Variants in AUTS2 observed in about 807,000 individuals in gnomAD.
AUTS2 encodes autism susceptibility gene 2 protein.
A neutral mutation model predicts 112.4 loss-of-function variants in AUTS2; 17 were observed. The ratio of observed to expected loss-of-function variants is 0.15; its 90% CI spans 0.10 to 0.23. AUTS2 has a LOEUF of 0.23. AUTS2 is among the 10% of genes least tolerant of loss of function. The pLI is 1.00. For synonymous variants in AUTS2, 751 were observed against 702.7 expected, an observed-to-expected ratio of 1.07 and a Z score of -1.09; for missense variants, 1,510 against 1,701.6, an observed-to-expected ratio of 0.89 and a Z score of 1.98.
intron 5 of AUTS2, among the ~76,000 whole-genome samples, chr7:70,486,815 G>A (rs541647716): frequency 1.8e-4 from 27 of 151,886 alleles, no homozygotes; most frequent in African/African-American, 6.3e-4. Context: ...TTGGCTGGTA[G>A]TCTGTGGTGG....
At chr7:70,190,512 G>A (rs943476488) in intron 4 of AUTS2, among the ~76,000 whole-genome samples, 3 of 152,174 alleles carry the variant, frequency 2.0e-5, no homozygotes, top group African/African-American at 7.2e-5. Context: ...AATTCTGACA[G>A]TGGGGGATGC....
rs576586360 is a variant in AUTS2, at chr7:70,092,083, T to TTTTTAATACTTAGGAGTA, written c.523-26038_523-26021dup. On this transcript the variant is annotated intron_variant, in intron 2 of 18. Coordinates refer to ENST00000342771, the MANE Select transcript of AUTS2 (RefSeq NM_015570.4). The stretch of plus-strand genomic sequence containing the variant: ...ACAGGTCTGTGACTCCTAAGTATTA[T>TTTTTAATACTTAGGAGTA]TTTTAATACTTAGGAGTATTTTAAT... 5.3e-3 allele frequency among the ~76,000 whole-genome samples: 341 copies of TTTTTAATACTTAGGAGTA among 64,830 alleles called. 6 individuals are homozygous for TTTTTAATACTTAGGAGTA. The East Asian group carries it at 0.094, about 18-fold the overall frequency. The allele number at this position is 64,830 out of a possible 152,430, so 42.5% of individuals were successfully genotyped here.
intron 5 of AUTS2, among the ~76,000 whole-genome samples, chr7:70,655,146 T>A (rs1027967359): frequency 1.3e-5 from 2 of 151,778 alleles, no homozygotes; most frequent in African/African-American, 4.8e-5. Context: ...CACTGTAGAG[T>A]TACTTTGGCA....
chr7:70,227,581 A>G (rs909005114), intron 4 of AUTS2, among the ~76,000 whole-genome samples: 6 of 152,084 alleles, frequency 3.9e-5, no homozygotes, highest in African/African-American at 1.2e-4. Context: ...TTCCTTTCCA[A>G]CATAGGTGTT....
chr7:70,191,161 C>CTT (rs34637651), intron 4 of AUTS2, among the ~76,000 whole-genome samples: 3,398 of 86,348 alleles, frequency 0.039, 104 homozygotes, highest in Non-Finnish European at 0.05. Context: ...CCACTTATTT[C>CTT]TTTTTTTTTT....
At chr7:69,884,749 C>G (rs1794200660) in intron 1 of AUTS2, among the ~76,000 whole-genome samples, 1 of 152,168 alleles carries the variant, frequency 6.6e-6, no homozygotes, top group African/African-American at 2.4e-5. Context: ...GCATCTGATT[C>G]CCTTGTGCAA....
chr7:69,854,990 A>G (rs1273333512), intron 1 of AUTS2, among the ~76,000 whole-genome samples: 3 of 152,206 alleles, frequency 2.0e-5, no homozygotes, highest in African/African-American at 7.2e-5. Flanking sequence ...ACCATGGTCT[A>G]CTGTTTACTT....
At chr7:70,649,474 T>G (rs983216885) in intron 5 of AUTS2, among the ~76,000 whole-genome samples, 1 of 152,090 alleles carries the variant, frequency 6.6e-6, no homozygotes, top group Non-Finnish European at 1.5e-5. Flanking sequence ...CAGGATTTAA[T>G]CTCAGAGTGT....
At position 70,404,997 on chromosome 7, in the gene AUTS2, G is replaced by A. The variant is rs138360510; in HGVS notation, c.661-30755G>A. Among the ~76,000 whole-genome samples the A allele has an allele frequency of 5.4e-3, 817 of 152,300 alleles. 4 individuals are homozygous for A. Among genetic ancestry groups the A allele is most frequent in the South Asian group, 8.7e-3 (42 of 4,818 alleles). On this transcript the variant is annotated intron_variant, in intron 4 of 18. Transcript: ENST00000342771. The stretch of plus-strand genomic sequence containing the variant: ...GTGGAAACCATTGCCCTTTATGCCA[G>A]CTGCTTCCTGAAGGAGCCAAGAAAA...
chr7:69,920,523 G>C (rs1001190661), intron 2 of AUTS2, among the ~76,000 whole-genome samples: 1 of 152,088 alleles, frequency 6.6e-6, no homozygotes, highest in Non-Finnish European at 1.5e-5. Flanking sequence ...TGAGCTCAGA[G>C]AATCTACCTG....
chr7:70,059,224 C>T (rs1003618096), intron 2 of AUTS2, among the ~76,000 whole-genome samples: 31 of 152,170 alleles, frequency 2.0e-4, no homozygotes, highest in Admixed American at 6.5e-5. Flanking sequence ...GTTTCGCCTT[C>T]GCAAGAATGT....
rs531989463 is a variant in AUTS2 at position 69,645,983 on chromosome 7, T to C, written c.309+46021T>C. ...ACGGTCTGGATTTTTTTTTTTTTTTTTTCTCCTTCTTCCCCTACCTCCTTC... is the reference window on the plus strand; with the variant it reads ...ACGGTCTGGATTTTTTTTTTTTTTTCTTCTCCTTCTTCCCCTACCTCCTTC... On this transcript the variant is annotated intron_variant, in intron 1 of 18. Transcript: ENST00000342771. Among the ~76,000 whole-genome samples the C allele has an allele frequency of 1.5e-3, 225 of 151,688 alleles. 1 individual carries two copies. Among genetic ancestry groups the C allele is most frequent in the African/African-American group, 5.2e-3 (214 of 41,356 alleles).
At chr7:69,704,910 A>G (rs541244520) in intron 1 of AUTS2, among the ~76,000 whole-genome samples, 2 of 152,198 alleles carry the variant, frequency 1.3e-5, no homozygotes, top group African/African-American at 2.4e-5. Context: ...TCTGTCACCC[A>G]GGCTAGAGTG....
chr7:70,294,772 A>G (rs925825498), intron 4 of AUTS2, among the ~76,000 whole-genome samples: 2 of 152,146 alleles, frequency 1.3e-5, no homozygotes, highest in Admixed American at 6.5e-5. Context: ...CTGGTCTGTG[A>G]CAACCAGTGT....
chr7:70,364,289 C>T (rs1419288060), intron 4 of AUTS2, among the ~76,000 whole-genome samples: 3 of 151,834 alleles, frequency 2.0e-5, no homozygotes, highest in Non-Finnish European at 2.9e-5. Flanking sequence ...TTAGGCCGGG[C>T]GCAGTGGCTC....
At chr7:69,601,695 T>G (rs975962937) in intron 1 of AUTS2, among the ~76,000 whole-genome samples, 10 of 152,136 alleles carry the variant, frequency 6.6e-5, no homozygotes, top group Non-Finnish European at 1.5e-4. Flanking sequence ...AAATTTTGAG[T>G]GTTGAGGTTC....
At chr7:70,725,975 T>C (rs1787003727) in intron 6 of AUTS2, among the ~76,000 whole-genome samples, 1 of 147,906 alleles carries the variant, frequency 6.8e-6, no homozygotes, top group South Asian at 2.1e-4. Context: ...TGAGCAGAGA[T>C]CGTGCCACTG....
intron 1 of AUTS2, among the ~76,000 whole-genome samples, chr7:69,784,193 A>G (rs763497541): frequency 5.3e-5 from 8 of 152,210 alleles, no homozygotes; most frequent in Non-Finnish European, 1.0e-4. Flanking sequence ...AAAAGATTAC[A>G]GGGTCCTTTA....
intron 2 of AUTS2, among the ~76,000 whole-genome samples, chr7:70,033,408 A>C (rs530515398): frequency 5.3e-5 from 8 of 152,188 alleles, no homozygotes; most frequent in Non-Finnish European, 1.2e-4. Context: ...TTCTAGAAAA[A>C]GAGGAAGAAC....
Sources: gnomAD v4.1 joint callset for allele counts (sites outside exome capture counted in the v4.1 genomes callset) on GRCh38, gnomAD v4.1.1 for gene constraint, MANE v1.5 for transcripts, NCBI Gene and HGNC (gene_info 2026-07-23, HGNC 2026-07-21) for gene names.